Variants in CTNNA2 observed in about 807,000 individuals in gnomAD.
The protein encoded by CTNNA2 is catenin alpha-2.
CTNNA2 carries 42 observed loss-of-function variants against 101.0 expected under a neutral mutation model. That is an observed-to-expected ratio of 0.42 (90% confidence interval 0.32 to 0.54). CTNNA2 has a LOEUF of 0.54. Among genes scored for constraint, CTNNA2 ranks in the 20% least tolerant of loss-of-function variants. The pLI is 0.14. For synonymous variants in CTNNA2, 450 were observed against 456.4 expected (o/e 0.99, Z 0.18); for missense variants, 871 against 1,223.1 (o/e 0.71, Z 4.29).
chr2:79,629,122 G>T (rs1679517733), intron 1 of CTNNA2, among the ~76,000 whole-genome samples: 1 of 152,094 alleles, frequency 6.6e-6, no homozygotes, highest in South Asian at 2.1e-4. Context: ...CCCTATGCCA[G>T]CCATATTGGC....
chr2:79,214,903 C>A (rs13417451), intron 2 of CTNNA2, among the ~76,000 whole-genome samples: 8,112 of 151,806 alleles, frequency 0.053, 427 homozygotes, highest in East Asian at 0.16. Flanking sequence ...CGTCAATACC[C>A]ACAACAGTTC....
chr2:79,746,517 A>G (rs1235735835), intron 3 of CTNNA2, among the ~76,000 whole-genome samples: 4 of 152,204 alleles, frequency 2.6e-5, no homozygotes, highest in East Asian at 1.9e-4. Flanking sequence ...GAAGAATGCA[A>G]TGCATGTCTA....
At chr2:80,513,691 T>C (rs1238867753) in intron 9 of CTNNA2, among the ~76,000 whole-genome samples, 3 of 152,104 alleles carry the variant, frequency 2.0e-5, no homozygotes, top group African/African-American at 7.2e-5. Flanking sequence ...AGCAAAGGAG[T>C]AACACGCATA....
intron 7 of CTNNA2, among the ~76,000 whole-genome samples, chr2:80,020,834 A>G (rs190039058): frequency 1.3e-5 from 2 of 152,206 alleles, no homozygotes; most frequent in East Asian, 1.9e-4. Flanking sequence ...GAAAGCATGA[A>G]CACAAAGTTT....
intron 4 of CTNNA2, among the ~76,000 whole-genome samples, chr2:79,383,411 G>C (rs1002898075): frequency 6.6e-6 from 1 of 152,176 alleles, no homozygotes; most frequent in Admixed American, 6.5e-5. Context: ...ATAGAGAAAA[G>C]TGTGTGGAAA....
chr2:79,724,570 C>G (rs1364990004), intron 2 of CTNNA2, among the ~76,000 whole-genome samples: 3 of 151,940 alleles, frequency 2.0e-5, no homozygotes, highest in Non-Finnish European at 4.4e-5. Flanking sequence ...AACCCCAGTA[C>G]TTTGGGAGGC....
chr2:79,450,834 G>A (rs1267368215), intron 4 of CTNNA2, among the ~76,000 whole-genome samples: 9 of 152,064 alleles, frequency 5.9e-5, no homozygotes, highest in Admixed American at 3.3e-4. Context: ...ATTTAAGAAA[G>A]ATGAATGAAA....
chr2:80,324,145 T>C (rs1362624720), intron 7 of CTNNA2, among the ~76,000 whole-genome samples: 2 of 152,184 alleles, frequency 1.3e-5, no homozygotes, highest in African/African-American at 4.8e-5. Flanking sequence ...AAATATGAAT[T>C]GTTACAAATT....
intron 13 of CTNNA2, among the ~76,000 whole-genome samples, chr2:80,575,815 G>A (rs914971538): frequency 6.6e-6 from 1 of 152,016 alleles, no homozygotes; most frequent in Non-Finnish European, 1.5e-5. Flanking sequence ...TAGATAAAAT[G>A]TCGTATCTTT....
At chr2:80,459,290 C>T (rs112724605) in intron 9 of CTNNA2, among the ~76,000 whole-genome samples, 4,922 of 152,160 alleles carry the variant, frequency 0.032, 247 homozygotes, top group African/African-American at 0.11. Flanking sequence ...AAGCTCCCTA[C>T]GTGCTTTTAA....
At position 80,404,718 on chromosome 2, in the gene CTNNA2, G is replaced by A. The variant is rs190200928; in HGVS notation, c.1137+11427G>A. On this transcript the variant is annotated intron_variant, in intron 8 of 18. Transcript: ENST00000402739. ...CACTATGGGTCTTCCCAGGGCAAGA[G>A]GTCTTTCTTCAGGAATATTAAGATG... Among the ~76,000 whole-genome samples the A allele has an allele frequency of 2.0e-5, 3 of 152,272 alleles. No individual in the cohort carries two copies. In the East Asian group the frequency reaches 5.8e-4, roughly 29 times the overall value.
At chr2:80,194,816 T>G (rs1340700134) in intron 7 of CTNNA2, among the ~76,000 whole-genome samples, 1 of 151,264 alleles carries the variant, frequency 6.6e-6, no homozygotes, top group East Asian at 1.9e-4. Context: ...TGTGTTTTTG[T>G]GTGTGTATAT....
At chr2:80,619,320 G>A in intron 18 of CTNNA2, 92 bp downstream of exon 18, 5 of 1,317,222 alleles carry the variant, frequency 3.8e-6, no homozygotes, top group Non-Finnish European at 4.9e-6. Flanking sequence ...ATAAAAATGT[G>A]CCCACTGAAG....
At chr2:80,189,062 C>T (rs1429730335) in intron 7 of CTNNA2, among the ~76,000 whole-genome samples, 1 of 150,728 alleles carries the variant, frequency 6.6e-6, no homozygotes, top group African/African-American at 2.4e-5. Flanking sequence ...AAGCACTTCT[C>T]CTGCCTCAGC....
chr2:79,644,790 G>A (rs1050388097), intron 1 of CTNNA2, among the ~76,000 whole-genome samples: 2 of 152,040 alleles, frequency 1.3e-5, no homozygotes, highest in Admixed American at 6.6e-5. Flanking sequence ...TCTCTTGCCT[G>A]TTCCTCTCTC....
intron 7 of CTNNA2, among the ~76,000 whole-genome samples, chr2:80,182,994 C>T (rs1013967519): frequency 1.6e-4 from 25 of 152,176 alleles, no homozygotes; most frequent in Admixed American, 1.1e-3. Flanking sequence ...ATGATCACTT[C>T]GGTTAGGACA....
At chr2:79,743,011 G>A (rs548566417) in intron 2 of CTNNA2, among the ~76,000 whole-genome samples, 9 of 151,964 alleles carry the variant, frequency 5.9e-5, no homozygotes, top group East Asian at 1.9e-4. Context: ...TTGAGTCATC[G>A]CTTTGATTGC....
Position 80,035,881 on chromosome 2 carries a change from A to G in CTNNA2, c.1056+126084A>G, listed in dbSNP as rs141776139. On this transcript the variant is annotated intron_variant, in intron 7 of 18. Coordinates refer to ENST00000402739, the MANE Select transcript of CTNNA2 (RefSeq NM_001282597.3). The stretch of plus-strand genomic sequence containing the variant: ...CAGCCTGAGGAACTGGGTAGCAACC[A>G]GCATGGTATTGTAAAGAGAAAACTG... Among the ~76,000 whole-genome samples, 755 of 152,340 alleles carry G rather than the reference A, an allele frequency of 5.0e-3. 3 individuals are homozygous for G. The highest frequency in any genetic ancestry group is 0.017 in the African/African-American group (722 of 41,576).
intron 7 of CTNNA2, chr2:80,163,169 A>G (rs958613076): frequency 3.9e-5 from 57 of 1,444,404 alleles, no homozygotes; most frequent in Non-Finnish European, 2.9e-6. Flanking sequence ...AACCTCGAAA[A>G]GGAGCTCCTC....
Sources: gnomAD v4.1 joint callset for allele counts (sites outside exome capture counted in the v4.1 genomes callset) on GRCh38, gnomAD v4.1.1 for gene constraint, MANE v1.5 for transcripts, NCBI Gene and HGNC (gene_info 2026-07-23, HGNC 2026-07-21) for gene names.